The following VWC2L variants were observed in gnomAD, a reference collection of about 807,000 sequenced individuals.
The protein encoded by VWC2L is von Willebrand factor C domain containing 2 like.
Under a neutral mutation model 21.6 loss-of-function variants are expected in VWC2L, and 10 were observed. That is an observed-to-expected ratio of 0.46 (90% CI 0.29 to 0.78). The LOEUF is 0.78. VWC2L is among the 30% of genes least tolerant of loss of function. VWC2L has a pLI of 0.10. For synonymous variants in VWC2L, 96 were observed against 94.3 expected (o/e 1.02, Z -0.10); for missense variants, 209 against 277.1 (o/e 0.75, Z 1.74).
intron 3 of VWC2L, among the ~76,000 whole-genome samples, chr2:214,566,490 T>C (rs1162128438): frequency 6.6e-6 from 1 of 152,170 alleles, no homozygotes; most frequent in Non-Finnish European, 1.5e-5. Flanking sequence ...TCAGCAATAC[T>C]GAATTTTCAA....
At chr2:214,559,529 G>A (rs138473883) in intron 3 of VWC2L, among the ~76,000 whole-genome samples, 188 of 151,696 alleles carry the variant, frequency 1.2e-3, no homozygotes, top group Non-Finnish European at 1.5e-3. Flanking sequence ...TAAGGCACCC[G>A]TCTTGGACTT....
rs1237797943 is a variant in VWC2L, at chr2:214,414,501, A to G, written c.308A>G (p.Asn103Ser). The change falls in exon 2 of 4, where the codon AAT becomes AGT. Residue 103 changes from asparagine (N) to serine (S), a missense_variant. Coordinates refer to ENST00000312504, the MANE Select transcript of VWC2L (RefSeq NM_001080500.4). Reference protein sequence around the residue: ...IHPKCTKVEHNGCCPECKEVK... With the variant: ...IHPKCTKVEHSGCCPECKEVK... ...CCAAAGTGTACTAAAGTGGAACACA[A>G]TGGATGCTGTCCTGAGTGCAAAGAA... is the stretch of plus-strand genomic sequence containing the variant. 6.2e-7 allele frequency: 1 copy of G among 1,613,616 alleles called. No homozygotes were observed. The highest frequency in any genetic ancestry group is 8.5e-7 in the Non-Finnish European group (1 of 1,179,712).
At chr2:214,424,552 C>G (rs890320207) in intron 2 of VWC2L, among the ~76,000 whole-genome samples, 1 of 152,146 alleles carries the variant, frequency 6.6e-6, no homozygotes, top group Non-Finnish European at 1.5e-5. Flanking sequence ...CAGTACTTGG[C>G]ATGCACCATG....
intron 3 of VWC2L, among the ~76,000 whole-genome samples, chr2:214,452,673 C>A (rs1326737294): frequency 6.6e-6 from 1 of 152,030 alleles, no homozygotes; most frequent in Non-Finnish European, 1.5e-5. Context: ...CAAAGTGCCT[C>A]AAAATGGCTG....
intron 3 of VWC2L, among the ~76,000 whole-genome samples, chr2:214,466,099 G>T (rs575259346): frequency 6.6e-6 from 1 of 151,544 alleles, no homozygotes; most frequent in Non-Finnish European, 1.5e-5. Flanking sequence ...TATTGTAATT[G>T]TCCACCTGAT....
chr2:214,578,362 T>G lies in VWC2L; in HGVS notation c.*2542T>G, dbSNP rs1690265847. 6.6e-6 allele frequency: 1 copy of G among 152,184 alleles called. No individual in the cohort carries two copies. Among genetic ancestry groups the G allele is most frequent in the East Asian group, 1.9e-4 (1 of 5,188 alleles). 9.4% of individuals were successfully genotyped at this position (152,184 alleles called of 1,614,324 possible). On this transcript the variant is annotated 3_prime_UTR_variant, in exon 4 of 4. Coordinates refer to ENST00000312504, the MANE Select transcript of VWC2L (RefSeq NM_001080500.4). ...AATTGAATGGGACATCCATTAAGGA[T>G]CTCTCTTCAGAGAGTTTGCAGAAAG...
At chr2:214,460,786 C>G (rs922094247) in intron 3 of VWC2L, among the ~76,000 whole-genome samples, 2 of 149,080 alleles carry the variant, frequency 1.3e-5, no homozygotes, top group Non-Finnish European at 3.0e-5. Context: ...GAATGTGTTA[C>G]TGGTGAATTA....
chr2:214,432,370 C>T (rs756187638), intron 2 of VWC2L, among the ~76,000 whole-genome samples: 1 of 152,090 alleles, frequency 6.6e-6, no homozygotes, highest in Non-Finnish European at 1.5e-5. Context: ...CTGATGAGAG[C>T]TCTGAATGGT....
At chr2:214,422,046 T>C (rs1444826629) in intron 2 of VWC2L, among the ~76,000 whole-genome samples, 2 of 151,218 alleles carry the variant, frequency 1.3e-5, no homozygotes, top group East Asian at 3.9e-4. Context: ...CGTGCCACCA[T>C]GCCCGGCTAA....
chr2:214,481,348 G>C (rs746306050), intron 3 of VWC2L, among the ~76,000 whole-genome samples: 2 of 152,164 alleles, frequency 1.3e-5, no homozygotes, highest in Non-Finnish European at 2.9e-5. Context: ...GTCCAGGCTA[G>C]ACTACTGAAT....
At chr2:214,477,492 C>G (rs1453195682) in intron 3 of VWC2L, among the ~76,000 whole-genome samples, 1 of 152,182 alleles carries the variant, frequency 6.6e-6, no homozygotes, top group Non-Finnish European at 1.5e-5. Context: ...ACCACAACCT[C>G]TGGAAAAAGT....
chr2:214,573,242 TAC>T (rs139028593), intron 3 of VWC2L, among the ~76,000 whole-genome samples: 7 of 151,028 alleles, frequency 4.6e-5, no homozygotes, highest in African/African-American at 1.5e-4. Context: ...CACATACACA[TAC>T]ACACACACAC....
At chr2:214,538,609 T>C (rs1305872946) in intron 3 of VWC2L, among the ~76,000 whole-genome samples, 1 of 150,418 alleles carries the variant, frequency 6.6e-6, no homozygotes, top group African/African-American at 2.4e-5. Context: ...GTATATTAAT[T>C]AGTATACATG....
chr2:214,575,950 G>T lies in VWC2L; in HGVS notation c.*130G>T. Reference sequence around the variant, plus strand: ...CAGGGTCACCAGCAAAACTTTCTAGGGTTGACAAAAGTGAATATTTTCCTA... The same window carrying T: ...CAGGGTCACCAGCAAAACTTTCTAGTGTTGACAAAAGTGAATATTTTCCTA... On this transcript the variant is annotated 3_prime_UTR_variant, in exon 4 of 4. Coordinates refer to ENST00000312504, the MANE Select transcript of VWC2L (RefSeq NM_001080500.4). 4 of 1,065,204 alleles carry T rather than the reference G, an allele frequency of 3.8e-6. No individual in the cohort carries two copies. Among genetic ancestry groups the T allele is most frequent in the South Asian group, 2.1e-5 (1 of 47,516 alleles). 66.0% of individuals were successfully genotyped at this position (1,065,204 alleles called of 1,614,324 possible).
intron 3 of VWC2L, among the ~76,000 whole-genome samples, chr2:214,467,639 T>A (rs1325414555): frequency 6.6e-6 from 1 of 152,174 alleles, no homozygotes; most frequent in South Asian, 2.1e-4. Flanking sequence ...TGGAAGAGCA[T>A]ACTTTACAAC....
intron 3 of VWC2L, among the ~76,000 whole-genome samples, chr2:214,508,020 AGGCT>A (rs1262895436): frequency 6.6e-6 from 1 of 152,176 alleles, no homozygotes; most frequent in Non-Finnish European, 1.5e-5. Context: ...TCTGTCGCCC[AGGCT>A]GGAGTGCAGT....
At chr2:214,455,871 A>G (rs547225573) in intron 3 of VWC2L, among the ~76,000 whole-genome samples, 2 of 152,108 alleles carry the variant, frequency 1.3e-5, no homozygotes, top group South Asian at 4.1e-4. Flanking sequence ...GAAAAAAACT[A>G]TGTCATTTTT....
chr2:214,502,391 GAA>G (rs891498880), intron 3 of VWC2L, among the ~76,000 whole-genome samples: 3 of 152,086 alleles, frequency 2.0e-5, no homozygotes, highest in Non-Finnish European at 4.4e-5. Context: ...CCAATATGGT[GAA>G]ACCCCCCCTC....
chr2:214,552,480 T>A (rs1163740292), intron 3 of VWC2L, among the ~76,000 whole-genome samples: 2 of 152,222 alleles, frequency 1.3e-5, no homozygotes, highest in African/African-American at 4.8e-5. Flanking sequence ...CAGGACCTGC[T>A]GGATGATAAA....
Sources: allele counts gnomAD v4.1 joint callset (sites outside exome capture counted in the v4.1 genomes callset), GRCh38; gene constraint gnomAD v4.1.1; transcripts MANE v1.5; gene names NCBI Gene and HGNC (gene_info 2026-07-23, HGNC 2026-07-21).